CFAP210: variants seen among roughly 807,000 people sequenced by gnomAD.
CFAP210 encodes cilia and flagella associated protein 210.
At chr2:169,679,680 C>CAAAAA in the CFAP210 span, among the ~76,000 whole-genome samples, 19 of 57,452 alleles carry the variant, frequency 3.3e-4, no homozygotes, top group African/African-American at 4.9e-4. Context: ...GACTCCATCT[C>CAAAAA]AAAAAAAAAA....
the CFAP210 span, among the ~76,000 whole-genome samples, chr2:169,673,905 G>A: frequency 1.3e-5 from 2 of 151,926 alleles, no homozygotes; most frequent in African/African-American, 2.4e-5. Flanking sequence ...AAAAAACTCT[G>A]CATGGCTATA....
the CFAP210 span, among the ~76,000 whole-genome samples, chr2:169,688,260 G>C: frequency 1.3e-5 from 2 of 152,246 alleles, no homozygotes; most frequent in Non-Finnish European, 2.9e-5. Flanking sequence ...TGCTTATGCA[G>C]ATTTCTGCAG....
At chr2:169,658,172 A>G in the CFAP210 span, 15 of 152,186 alleles carry the variant, frequency 9.9e-5, no homozygotes, top group African/African-American at 3.6e-4. Context: ...AATGTTAACA[A>G]AGGTGAAACA....
the CFAP210 span, chr2:169,694,242 A>C: frequency 1.9e-6 from 3 of 1,613,626 alleles, no homozygotes; most frequent in Non-Finnish European, 8.5e-7. Flanking sequence ...CTGTCCCTGG[A>C]TAGGTCAGTT....
the CFAP210 span, chr2:169,650,553 T>G: frequency 6.9e-7 from 1 of 1,442,104 alleles, no homozygotes; most frequent in Non-Finnish European, 9.1e-7. Flanking sequence ...CGTCAAATCT[T>G]CATGAACACA....
chr2:169,647,576 T>C, the CFAP210 span, among the ~76,000 whole-genome samples: 1 of 152,154 alleles, frequency 6.6e-6, no homozygotes, highest in Admixed American at 6.5e-5. Flanking sequence ...TCTTTAAAAA[T>C]TGTACCTAAG....
chr2:169,649,706 A>G, the CFAP210 span, among the ~76,000 whole-genome samples: 1 of 152,138 alleles, frequency 6.6e-6, no homozygotes, highest in Non-Finnish European at 1.5e-5. Flanking sequence ...AGGTGGGCGG[A>G]TCACCTCGGG....
the CFAP210 span, among the ~76,000 whole-genome samples, chr2:169,651,875 CTTTTTTT>C: frequency 4.9e-5 from 7 of 143,800 alleles, no homozygotes; most frequent in Admixed American, 5.0e-4. Flanking sequence ...TATAAGGTTC[CTTTTTTT>C]TTTTTTTTTT....
the CFAP210 span, among the ~76,000 whole-genome samples, chr2:169,656,964 C>CAAAAAAAA: frequency 6.5e-4 from 26 of 40,002 alleles, no homozygotes; most frequent in South Asian, 1.5e-3. Flanking sequence ...GACTCCATCT[C>CAAAAAAAA]AAAAAAAAAA....
chr2:169,659,486 G>A, the CFAP210 span, among the ~76,000 whole-genome samples: 1 of 152,114 alleles, frequency 6.6e-6, no homozygotes, highest in South Asian at 2.1e-4. Context: ...TGTGAAGGGG[G>A]AAGTGCTACA....
the CFAP210 span, among the ~76,000 whole-genome samples, chr2:169,651,358 T>C: frequency 1.2e-4 from 18 of 151,768 alleles, no homozygotes; most frequent in East Asian, 3.5e-3. Context: ...ACCACTGTAC[T>C]CCAGCCTGAG....
At chr2:169,655,977 G>A in the CFAP210 span, among the ~76,000 whole-genome samples, 23 of 152,214 alleles carry the variant, frequency 1.5e-4, no homozygotes, top group African/African-American at 5.3e-4. Context: ...AATATGCTCA[G>A]CTGAAAGACT....
At chr2:169,670,212 AAG>A in the CFAP210 span, among the ~76,000 whole-genome samples, 2 of 152,136 alleles carry the variant, frequency 1.3e-5, no homozygotes, top group African/African-American at 4.8e-5. Context: ...CTACGGTGTT[AAG>A]TTTCTTTTTA....
At chr2:169,661,250 C>T in the CFAP210 span, 1 of 561,424 alleles carries the variant, frequency 1.8e-6, no homozygotes, top group African/African-American at 1.9e-5. Flanking sequence ...TGGTCATCTC[C>T]TCTGTATGAC....
chr2:169,657,415 GAAAAAGAA>G, the CFAP210 span, among the ~76,000 whole-genome samples: 1 of 151,858 alleles, frequency 6.6e-6, no homozygotes, highest in African/African-American at 2.4e-5. Flanking sequence ...ACAGAAAGAA[GAAAAAGAA>G]AAAAAGAAAA....
the CFAP210 span, among the ~76,000 whole-genome samples, chr2:169,689,536 T>C: frequency 6.6e-6 from 1 of 152,224 alleles, no homozygotes; most frequent in Non-Finnish European, 1.5e-5. Flanking sequence ...ATTTTTAATA[T>C]AGAATATCAT....
the CFAP210 span, among the ~76,000 whole-genome samples, chr2:169,670,212 A>G: frequency 1.3e-5 from 2 of 152,254 alleles, no homozygotes; most frequent in African/African-American, 4.8e-5. Context: ...CTACGGTGTT[A>G]AGTTTCTTTT....
chr2:169,663,314 C>T, the CFAP210 span, among the ~76,000 whole-genome samples: 250 of 150,810 alleles, frequency 1.7e-3, 4 homozygotes, highest in Non-Finnish European at 6.8e-4. Context: ...TAGGGCAGGT[C>T]GACAACCCAC....
At chr2:169,661,925 T>A in the CFAP210 span, among the ~76,000 whole-genome samples, 1 of 152,198 alleles carries the variant, frequency 6.6e-6, no homozygotes, top group African/African-American at 2.4e-5. Context: ...GAATGACAGT[T>A]ATTCTATCAG....
Sources: gnomAD v4.1 joint callset for allele counts (sites outside exome capture counted in the v4.1 genomes callset) on GRCh38, gnomAD v4.1.1 for gene constraint, MANE v1.5 for transcripts, NCBI Gene and HGNC (gene_info 2026-07-23, HGNC 2026-07-21) for gene names.